The following PIK3AP1 variants were observed in gnomAD, a reference collection of about 807,000 sequenced individuals.
PIK3AP1 encodes the protein phosphoinositide 3-kinase adapter protein 1.
PIK3AP1 carries 21 observed loss-of-function variants against 88.1 expected under a neutral mutation model. The observed-to-expected ratio is 0.24, with a 90% confidence interval of 0.17 to 0.34. PIK3AP1 has a LOEUF of 0.34. Ranked by LOEUF, PIK3AP1 falls within the 10% of genes least tolerant of loss-of-function variation. PIK3AP1 has a pLI of 1.00. For synonymous variants in PIK3AP1, 398 were observed against 400.0 expected (o/e 1.00, Z 0.06); for missense variants, 828 against 1,035.7 (o/e 0.80, Z 2.75).
At chr10:96,665,167 C>T (rs1376840829) in intron 2 of PIK3AP1, among the ~76,000 whole-genome samples, 1 of 152,182 alleles carries the variant, frequency 6.6e-6, no homozygotes, top group Non-Finnish European at 1.5e-5. Context: ...TCACAATATC[C>T]TCTCAGCTTT....
chr10:96,695,257 T>C (rs1359672783), intron 2 of PIK3AP1, among the ~76,000 whole-genome samples: 1 of 152,196 alleles, frequency 6.6e-6, no homozygotes, highest in Non-Finnish European at 1.5e-5. Context: ...AAATGCCAGA[T>C]CCTGCAACAG....
intron 2 of PIK3AP1, among the ~76,000 whole-genome samples, chr10:96,674,554 G>A (rs900227857): frequency 2.6e-5 from 4 of 152,232 alleles, no homozygotes; most frequent in African/African-American, 4.8e-5. Flanking sequence ...TCTGAGAACA[G>A]ATTTCCTGAC....
chr10:96,641,086 C>T (rs925709927), intron 8 of PIK3AP1, among the ~76,000 whole-genome samples: 2 of 143,228 alleles, frequency 1.4e-5, no homozygotes, highest in African/African-American at 5.1e-5. Flanking sequence ...GTGAGTGTGC[C>T]GTGTGTGTGT....
intron 2 of PIK3AP1, among the ~76,000 whole-genome samples, chr10:96,663,555 A>G (rs1843721634): frequency 7.0e-6 from 1 of 143,254 alleles, no homozygotes. Flanking sequence ...ACTTGAACCC[A>G]GGAGGCAGAA....
At chr10:96,604,272 G>T (rs961512613) in intron 14 of PIK3AP1, among the ~76,000 whole-genome samples, 2 of 150,856 alleles carry the variant, frequency 1.3e-5, no homozygotes, top group Non-Finnish European at 2.9e-5. Flanking sequence ...CAAACTCCTG[G>T]ACACAAAAGA....
At chr10:96,630,076 C>T (rs74151396) in intron 8 of PIK3AP1, among the ~76,000 whole-genome samples, 4,807 of 152,058 alleles carry the variant, frequency 0.032, 127 homozygotes, top group African/African-American at 0.072. Flanking sequence ...CACTGTTCAT[C>T]TTCTTATATT....
chr10:96,602,178 C>T, intron 16 of PIK3AP1, 102 bp downstream of exon 16: 3 of 1,031,828 alleles, frequency 2.9e-6, no homozygotes, highest in Non-Finnish European at 4.3e-6. Context: ...CCACTGCGCC[C>T]AGCTCTGCGC....
intron 15 of PIK3AP1, 52 bp from the exon 16 acceptor site, chr10:96,602,450 CA>C: frequency 6.8e-7 from 1 of 1,466,746 alleles, no homozygotes; most frequent in Non-Finnish European, 9.5e-7. Flanking sequence ...CAGCAACCAG[CA>C]TAGCTGGACA....
intron 9 of PIK3AP1, among the ~76,000 whole-genome samples, chr10:96,627,928 A>C (rs1355102839): frequency 2.0e-5 from 3 of 152,236 alleles, no homozygotes; most frequent in African/African-American, 7.2e-5. Flanking sequence ...AAAATTGAGA[A>C]TAGATCAGAG....
chr10:96,640,939 G>A (rs113285846), intron 8 of PIK3AP1, among the ~76,000 whole-genome samples: 4,823 of 152,126 alleles, frequency 0.032, 115 homozygotes, highest in Middle Eastern at 0.092. Flanking sequence ...CTGGGATTAC[G>A]GGCATGAGCC....
At chr10:96,633,063 C>G (rs1421652239) in intron 8 of PIK3AP1, 1 of 1,589,224 alleles carries the variant, frequency 6.3e-7, no homozygotes, top group African/African-American at 1.3e-5. Context: ...ACCTCATGTC[C>G]TACAAGAGCA....
intron 11 of PIK3AP1, 55 bp downstream of exon 11, chr10:96,623,417 G>T: frequency 1.4e-6 from 2 of 1,463,154 alleles, no homozygotes; most frequent in South Asian, 1.2e-5. Context: ...GGAAATCACT[G>T]ACCTATGAAC....
At chr10:96,672,741 A>G (rs1843864453) in intron 2 of PIK3AP1, among the ~76,000 whole-genome samples, 1 of 152,086 alleles carries the variant, frequency 6.6e-6, no homozygotes, top group African/African-American at 2.4e-5. Flanking sequence ...CGGCTCTCCC[A>G]GTCCTCTCCC....
rs142701757 is a variant in PIK3AP1, at chr10:96,610,953, C to T, written c.2015-1086G>A. 1.5e-3 allele frequency among the ~76,000 whole-genome samples: 233 copies of T among 152,212 alleles called. 1 individual carries two copies. The highest frequency in any genetic ancestry group is 4.5e-3 in the African/African-American group (188 of 41,538). On this transcript the variant is annotated intron_variant, in intron 13 of 16. Coordinates refer to ENST00000339364, the MANE Select transcript of PIK3AP1 (RefSeq NM_152309.3). Reference sequence around the variant, plus strand: ...GTAGAAGAGGTGTTAGCTTTGGGGACGAGTGCTTTTATCTTCTGGTACCAC... The same window carrying T: ...GTAGAAGAGGTGTTAGCTTTGGGGATGAGTGCTTTTATCTTCTGGTACCAC...
intron 2 of PIK3AP1, among the ~76,000 whole-genome samples, chr10:96,663,305 T>C (rs950445976): frequency 6.6e-6 from 1 of 152,044 alleles, no homozygotes; most frequent in Admixed American, 6.6e-5. Context: ...AATGGATAAA[T>C]TGATGGTATG....
intron 2 of PIK3AP1, among the ~76,000 whole-genome samples, chr10:96,684,325 A>G (rs1844041068): frequency 6.6e-6 from 1 of 152,214 alleles, no homozygotes; most frequent in South Asian, 2.1e-4. Context: ...GATAATATAT[A>G]CAAGAAAAAC....
intron 2 of PIK3AP1, among the ~76,000 whole-genome samples, chr10:96,688,251 A>T (rs1844101830): frequency 1.3e-5 from 2 of 152,046 alleles, no homozygotes; most frequent in Admixed American, 6.6e-5. Flanking sequence ...GCAAAAACAC[A>T]CCACCTGAGC....
chr10:96,662,464 A>G (rs1012420089), intron 2 of PIK3AP1, among the ~76,000 whole-genome samples: 4 of 151,916 alleles, frequency 2.6e-5, no homozygotes, highest in South Asian at 2.1e-4. Context: ...TTAGCCAGGC[A>G]TGGTGGTGGG....
chr10:96,668,780 G>A (rs1228074151), intron 2 of PIK3AP1, among the ~76,000 whole-genome samples: 1 of 152,232 alleles, frequency 6.6e-6, no homozygotes. Context: ...GGGGTTCACA[G>A]AAGAAAGGGC....
Sources: allele counts gnomAD v4.1 joint callset (sites outside exome capture counted in the v4.1 genomes callset), GRCh38; gene constraint gnomAD v4.1.1; transcripts MANE v1.5; gene names NCBI Gene and HGNC (gene_info 2026-07-23, HGNC 2026-07-21).